Variants in UBR3 observed in about 807,000 individuals in gnomAD.
The protein encoded by UBR3 is E3 ubiquitin-protein ligase UBR3.
In UBR3, 85 loss-of-function variants were observed where a neutral mutation model predicts 243.2. That is an observed-to-expected ratio of 0.35 (90% CI 0.29 to 0.42). UBR3 has a LOEUF of 0.42. UBR3 is among the 10% of genes least tolerant of loss of function. The probability of loss-of-function intolerance (pLI) is 1.00; values close to 1 mark genes in which losing one functional copy is unlikely to be tolerated. For missense variants in UBR3, 1,686 were observed against 2,300.8 expected, an observed-to-expected ratio of 0.73 and a Z score of 5.47; for synonymous variants, 748 against 799.8, an observed-to-expected ratio of 0.94 and a Z score of 1.09.
chr2:169,946,421 T>C (rs755548978), intron 21 of UBR3, 29 bp downstream of exon 21: 16 of 1,326,992 alleles, frequency 1.2e-5, no homozygotes, highest in Admixed American at 2.5e-5. Flanking sequence ...TTAAAATTTT[T>C]AGATAGGCAG....
Position 169,885,598 on chromosome 2 carries a change from A to C in UBR3, c.1039-5567A>C, listed in dbSNP as rs986573899. Among the ~76,000 whole-genome samples the C allele has an allele frequency of 1.7e-4, 26 of 152,156 alleles. 1 individual carries two copies. Among genetic ancestry groups the C allele is most frequent in the African/African-American group, 2.6e-4 (11 of 41,530 alleles). ...GTCTCAAAACAGACAGAAAAAAAAA[A>C]CAAAAAGAAAACATTTACATTTAGC... On this transcript the variant is annotated intron_variant, in intron 5 of 38. Coordinates refer to ENST00000272793, the MANE Select transcript of UBR3 (RefSeq NM_172070.4).
intron 1 of UBR3, among the ~76,000 whole-genome samples, chr2:169,850,088 T>C (rs1050681833): frequency 3.9e-5 from 6 of 151,958 alleles, no homozygotes; most frequent in African/African-American, 1.4e-4. Flanking sequence ...TAGGAGAGAG[T>C]TTCACAGTGG....
In UBR3 at chr2:169,994,337, C is replaced by T. The variant is rs746654818; in HGVS notation, c.3799C>T (p.Arg1267Cys). ...LQASSVLGQC[R>C]DNVEPKKLPI... ...TGTTAATGTAGTTTTGGGGCAGTGC[C>T]GTGACAATGTTGAGCCAAAAAAGTT... The change falls in exon 26 of 39, where the codon CGT (arginine) becomes TGT (cysteine). Residue 1267 changes from arginine to cysteine, a missense_variant. Arg to Cys is a radical substitution (Grantham distance 180). Around this residue, in one of 8 missense-constraint regions of UBR3, gnomAD observed 156 missense variants for 246.3 expected, o/e 0.63. Transcript: ENST00000272793. The T allele has an allele frequency of 1.4e-5, 23 of 1,613,806 alleles. No homozygotes were observed. Among genetic ancestry groups the T allele is most frequent in the Non-Finnish European group, 1.6e-5 (19 of 1,179,964 alleles).
intron 7 of UBR3, among the ~76,000 whole-genome samples, chr2:169,895,832 T>TA (rs2105327600): frequency 6.6e-6 from 1 of 152,260 alleles, no homozygotes; most frequent in South Asian, 2.1e-4. Context: ...GTTACTATCT[T>TA]ACGGTTATGG....
intron 19 of UBR3, among the ~76,000 whole-genome samples, chr2:169,935,246 G>A (rs1047372501): frequency 6.6e-6 from 1 of 152,142 alleles, no homozygotes; most frequent in Non-Finnish European, 1.5e-5. Flanking sequence ...GCCCACTGCA[G>A]CCTCCAACTT....
chr2:169,881,994 T>C (rs1160686931), intron 5 of UBR3, among the ~76,000 whole-genome samples: 14 of 124,894 alleles, frequency 1.1e-4, no homozygotes, highest in African/African-American at 4.3e-4. Context: ...TGTATATGTA[T>C]ATTTATATAA....
At chr2:169,898,532 C>T (rs1574151468) in intron 8 of UBR3, among the ~76,000 whole-genome samples, 1 of 53,550 alleles carries the variant, frequency 1.9e-5, no homozygotes, top group African/African-American at 3.7e-5. Context: ...TGTGATCTTA[C>T]AGCTCTGAGT....
At chr2:169,869,649 T>C (rs1474778024) in intron 1 of UBR3, among the ~76,000 whole-genome samples, 2 of 152,200 alleles carry the variant, frequency 1.3e-5, no homozygotes, top group Non-Finnish European at 2.9e-5. Flanking sequence ...TAATGAAAAT[T>C]TCCCCTCAAG....
At chr2:169,890,560 T>C (rs1457747058) in intron 5 of UBR3, among the ~76,000 whole-genome samples, 16 of 105,794 alleles carry the variant, frequency 1.5e-4, no homozygotes, top group African/African-American at 5.8e-4. Context: ...TATATATATA[T>C]ATATGTGTAT....
intron 2 of UBR3, among the ~76,000 whole-genome samples, chr2:169,875,000 T>TTG (rs2083555654): frequency 2.8e-5 from 4 of 140,522 alleles, no homozygotes; most frequent in Non-Finnish European, 6.4e-5. Flanking sequence ...GTCCAAGCTT[T>TTG]TCTTTCTCTC....
chr2:169,950,121 C>T (rs1444720132), intron 23 of UBR3, 56 bp downstream of exon 23: 5 of 1,469,336 alleles, frequency 3.4e-6, no homozygotes, highest in Non-Finnish European at 4.6e-6. Context: ...TTGATATTTT[C>T]TTCCTTTTGG....
chr2:170,001,869 C>T (rs1349316712), intron 27 of UBR3, among the ~76,000 whole-genome samples: 4 of 130,384 alleles, frequency 3.1e-5, no homozygotes, highest in Non-Finnish European at 1.5e-5. Context: ...GCTGAGGTTG[C>T]ACCACTGCAC....
intron 25 of UBR3, among the ~76,000 whole-genome samples, chr2:169,990,743 A>ACG (rs1553527047): frequency 0.024 from 3,559 of 148,544 alleles, 301 homozygotes; most frequent in African/African-American, 0.072. Flanking sequence ...ACACACACAC[A>ACG]CACACATAAA....
chr2:169,875,414 T>TC (rs2083570520), intron 2 of UBR3, among the ~76,000 whole-genome samples: 1 of 152,096 alleles, frequency 6.6e-6, no homozygotes, highest in Non-Finnish European at 1.5e-5. Context: ...ACTGCCACCT[T>TC]CACCTCCAGG....
At chr2:169,864,980 GGAGACT>G (rs1255414549) in intron 1 of UBR3, among the ~76,000 whole-genome samples, 2 of 151,602 alleles carry the variant, frequency 1.3e-5, no homozygotes, top group Non-Finnish European at 2.9e-5. Flanking sequence ...CAGCTACTCT[GGAGACT>G]GAGGCAGGAG....
At chr2:169,998,107 C>T (rs1346269005) in intron 26 of UBR3, among the ~76,000 whole-genome samples, 1 of 152,082 alleles carries the variant, frequency 6.6e-6, no homozygotes, top group Non-Finnish European at 1.5e-5. Flanking sequence ...TGTCTGTCTC[C>T]TGCCACTATC....
chr2:169,845,224 A>G (rs901457520), intron 1 of UBR3, among the ~76,000 whole-genome samples: 5 of 151,832 alleles, frequency 3.3e-5, no homozygotes, highest in Admixed American at 2.6e-4. Context: ...GGAGCTGGAG[A>G]CCAGCCTGGG....
At chr2:170,011,016 T>A (rs940526244) in intron 29 of UBR3, among the ~76,000 whole-genome samples, 2 of 151,688 alleles carry the variant, frequency 1.3e-5, no homozygotes, top group African/African-American at 4.8e-5. Flanking sequence ...TAAAAAAAAA[T>A]TAGCTAGGTT....
At chr2:169,954,489 C>T (rs778772090) in intron 23 of UBR3, among the ~76,000 whole-genome samples, 14 of 151,772 alleles carry the variant, frequency 9.2e-5, no homozygotes, top group East Asian at 3.9e-4. Context: ...GTGATCCCCC[C>T]GCCTCAGCCC....
Sources: allele counts gnomAD v4.1 joint callset (sites outside exome capture counted in the v4.1 genomes callset), GRCh38; gene constraint gnomAD v4.1.1; regional missense constraint gnomAD v4.1.1; transcripts MANE v1.5; gene names NCBI Gene and HGNC (gene_info 2026-07-23, HGNC 2026-07-21).